The following EXOC2 variants were observed in gnomAD, a reference collection of about 807,000 sequenced individuals.
EXOC2 encodes the protein SEC5-like 1.
In EXOC2, 70 loss-of-function variants were observed where a neutral mutation model predicts 131.8. The ratio of observed to expected loss-of-function variants is 0.53; its 90% CI spans 0.44 to 0.65. The LOEUF (loss-of-function observed/expected upper bound fraction) is 0.65. Ranked by LOEUF, EXOC2 falls within the 30% of genes least tolerant of loss-of-function variation. The probability of loss-of-function intolerance (pLI) is 0.00; values close to 1 mark genes in which losing one functional copy is unlikely to be tolerated. For synonymous variants in EXOC2, 411 were observed against 398.4 expected (o/e 1.03, Z -0.38); for missense variants, 923 against 1,108.6 (o/e 0.83, Z 2.38).
At chr6:669,384 T>C (rs1763761052) in intron 1 of EXOC2, 1 of 152,344 alleles carries the variant, frequency 6.6e-6, no homozygotes, top group African/African-American at 2.4e-5. Context: ...AGTTCTCCTT[T>C]GGAGGACACA....
intron 10 of EXOC2, among the ~76,000 whole-genome samples, chr6:593,619 T>C (rs1759663114): frequency 6.6e-6 from 1 of 152,244 alleles, no homozygotes; most frequent in African/African-American, 2.4e-5. Flanking sequence ...TATATAAATA[T>C]AGCAAGCTAA....
At chr6:644,899 A>G (rs1477184552) in intron 1 of EXOC2, among the ~76,000 whole-genome samples, 1 of 152,162 alleles carries the variant, frequency 6.6e-6, no homozygotes, top group African/African-American at 2.4e-5. Flanking sequence ...ATGTTGTTAA[A>G]GTATCAATTC....
Position 657,088 on chromosome 6 carries a change from G to A in EXOC2, c.-43-19227C>T, listed in dbSNP as rs562310584. 174 of 647,178 alleles carry A rather than the reference G, an allele frequency of 2.7e-4. 1 individual carries two copies. In the African/African-American group the frequency reaches 3.1e-3, roughly 11 times the overall value. The allele number at this position is 647,178 out of a possible 1,614,324, so 40.1% of individuals were successfully genotyped here. Reference sequence around the variant, plus strand: ...GGCAGGCACTCGGGTTCCCGGTTGCGGTTGCGGGTTCTGTTGTGGGTTCCG... The same window carrying A: ...GGCAGGCACTCGGGTTCCCGGTTGCAGTTGCGGGTTCTGTTGTGGGTTCCG... On this transcript the variant is annotated intron_variant, in intron 1 of 27. Transcript: ENST00000230449.
intron 23 of EXOC2, among the ~76,000 whole-genome samples, chr6:518,985 G>C (rs1765312514): frequency 6.6e-6 from 1 of 152,150 alleles, no homozygotes; most frequent in Admixed American, 6.5e-5. Flanking sequence ...TATCCGTTTT[G>C]ATCAAAAGCA....
chr6:532,935 T>G (rs1400667433), intron 22 of EXOC2, among the ~76,000 whole-genome samples: 1 of 152,008 alleles, frequency 6.6e-6, no homozygotes, highest in Non-Finnish European at 1.5e-5. Flanking sequence ...TGGGGAGCCC[T>G]CAGGAAACTT....
intron 1 of EXOC2, among the ~76,000 whole-genome samples, chr6:654,803 CAAA>C (rs66637987): frequency 1.9e-3 from 55 of 29,504 alleles, no homozygotes; most frequent in African/African-American, 4.3e-3. Context: ...GACCCTGTCT[CAAA>C]AAAAAAAAAA....
chr6:600,125 G>T (rs556082084), intron 7 of EXOC2, among the ~76,000 whole-genome samples: 2 of 152,126 alleles, frequency 1.3e-5, no homozygotes, highest in African/African-American at 4.8e-5. Flanking sequence ...TGGGTGGCTC[G>T]CATGCAATAT....
At chr6:587,572 G>A (rs1449112940) in intron 11 of EXOC2, among the ~76,000 whole-genome samples, 1 of 152,196 alleles carries the variant, frequency 6.6e-6, no homozygotes, top group African/African-American at 2.4e-5. Context: ...AAGTTAACAT[G>A]TGTGCAATGA....
At chr6:615,346 A>C (rs1050312476) in intron 6 of EXOC2, among the ~76,000 whole-genome samples, 14 of 152,098 alleles carry the variant, frequency 9.2e-5, no homozygotes, top group Middle Eastern at 3.2e-3. Context: ...GTGTGATGAA[A>C]CAGGAAGCAC....
chr6:598,864 C>G lies in EXOC2; in HGVS notation c.966G>C (p.Lys322Asn). 4.4e-6 allele frequency: 7 copies of G among 1,608,994 alleles called. No homozygotes were observed. The highest frequency in any genetic ancestry group is 5.9e-6 in the Non-Finnish European group (7 of 1,178,106). The change falls in exon 9 of 28, where the codon AAG becomes AAC. Residue 322 changes from lysine (K) to asparagine (N), a missense_variant. Coordinates refer to ENST00000230449, the MANE Select transcript of EXOC2 (RefSeq NM_018303.6). ...LFGKTEVQVF[K>N]KYYAEVETRI... ...AAAGTAATACATGAATCTTACATTT[C>G]TTGAAAACTTGCACCTCCGTTTTCC... is the stretch of plus-strand genomic sequence containing the variant.
At chr6:675,031 A>T (rs1485844974) in intron 1 of EXOC2, among the ~76,000 whole-genome samples, 4 of 152,104 alleles carry the variant, frequency 2.6e-5, no homozygotes, top group Non-Finnish European at 4.4e-5. Context: ...TTCCCGGGAA[A>T]ACCATAACAA....
At chr6:537,146 G>A (rs1421723928) in intron 22 of EXOC2, among the ~76,000 whole-genome samples, 7 of 152,190 alleles carry the variant, frequency 4.6e-5, no homozygotes, top group Admixed American at 3.3e-4. Context: ...GTTTATAACC[G>A]AGTTTATGAC....
intron 1 of EXOC2, among the ~76,000 whole-genome samples, chr6:686,785 G>C (rs1398565911): frequency 6.6e-6 from 1 of 152,200 alleles, no homozygotes; most frequent in East Asian, 1.9e-4. Flanking sequence ...CACAGGGAAA[G>C]GCTGCAGGTC....
intron 23 of EXOC2, among the ~76,000 whole-genome samples, chr6:502,869 T>C (rs1037100169): frequency 6.6e-6 from 1 of 152,202 alleles, no homozygotes; most frequent in African/African-American, 2.4e-5. Context: ...TTCATACAAA[T>C]AACTGGTAAT....
At chr6:599,825 A>G (rs1561909438) in intron 7 of EXOC2, among the ~76,000 whole-genome samples, 1 of 152,104 alleles carries the variant, frequency 6.6e-6, no homozygotes, top group Non-Finnish European at 1.5e-5. Context: ...TAATCTTATA[A>G]AAGTATACAT....
chr6:636,782 T>C (rs979460701), intron 2 of EXOC2, among the ~76,000 whole-genome samples: 4 of 152,202 alleles, frequency 2.6e-5, no homozygotes, highest in African/African-American at 7.2e-5. Flanking sequence ...TGCATCTGTA[T>C]ACCCACCTGA....
intron 11 of EXOC2, among the ~76,000 whole-genome samples, chr6:584,309 T>C (rs1047463724): frequency 1.3e-5 from 2 of 152,180 alleles, no homozygotes; most frequent in Admixed American, 1.3e-4. Flanking sequence ...TTTGTAAAAA[T>C]GATATAAAAT....
At chr6:520,688 G>A (rs113046989) in intron 23 of EXOC2, among the ~76,000 whole-genome samples, 2 of 92,144 alleles carry the variant, frequency 2.2e-5, no homozygotes, top group African/African-American at 4.7e-5. Context: ...ACCGAGCGCC[G>A]ACACTCGCCG....
intron 6 of EXOC2, among the ~76,000 whole-genome samples, chr6:613,561 A>C (rs1581556296): frequency 6.6e-6 from 1 of 152,228 alleles, no homozygotes; most frequent in East Asian, 1.9e-4. Context: ...AACATTTTCC[A>C]ATGTTTCCAT....
Sources: allele counts gnomAD v4.1 joint callset (sites outside exome capture counted in the v4.1 genomes callset), GRCh38; gene constraint gnomAD v4.1.1; transcripts MANE v1.5; gene names NCBI Gene and HGNC (gene_info 2026-07-23, HGNC 2026-07-21).